The following SLC39A11 variants were observed in gnomAD, a reference collection of about 807,000 sequenced individuals.
The protein encoded by SLC39A11 is solute carrier family 39 member 11, also known as zinc transporter ZIP11.
In SLC39A11, 33 loss-of-function variants were observed where a neutral mutation model predicts 36.1. The observed-to-expected ratio is 0.91, with a 90% CI of 0.69 to 1.22. The LOEUF (loss-of-function observed/expected upper bound fraction) is 1.22. Ranked by LOEUF, SLC39A11 falls within the 50% of genes most tolerant of loss-of-function variation. The pLI is 0.00. For missense variants in SLC39A11, 432 were observed against 430.3 expected (o/e 1.00, Z -0.03); for synonymous variants, 166 against 170.3 (o/e 0.97, Z 0.20).
rs113262350 is a variant in SLC39A11, at chr17:72,654,355, T to C, written c.672-5087A>G. 6.7e-3 allele frequency among the ~76,000 whole-genome samples: 1,023 copies of C among 152,316 alleles called. 16 individuals carry two copies. Among genetic ancestry groups the C allele is most frequent in the African/African-American group, 0.023 (972 of 41,580 alleles). ...ACACTGTTGAACGTTGCTTCAGTTATAGGATGCTGACAAGCGTGTTCTAAC... is the reference window on the plus strand; with the variant it reads ...ACACTGTTGAACGTTGCTTCAGTTACAGGATGCTGACAAGCGTGTTCTAAC... On this transcript the variant is annotated intron_variant, in intron 7 of 9. Coordinates refer to ENST00000255559, the MANE Select transcript of SLC39A11 (RefSeq NM_139177.4).
At chr17:72,830,752 T>C (rs936851256) in intron 6 of SLC39A11, among the ~76,000 whole-genome samples, 1 of 152,110 alleles carries the variant, frequency 6.6e-6, no homozygotes, top group East Asian at 1.9e-4. Flanking sequence ...GCCCCAAATA[T>C]CTTCATCAAA....
rs534480688 is a variant in SLC39A11, at chr17:72,679,854, C to T, written c.672-30586G>A. Among the ~76,000 whole-genome samples, 26 of 151,992 alleles carry T rather than the reference C, an allele frequency of 1.7e-4. No homozygotes were observed. The East Asian group carries it at 4.9e-3, about 28-fold the overall frequency. On this transcript the variant is annotated intron_variant, in intron 7 of 9. Transcript: ENST00000255559. ...GCCAAGAGATCGAGACCATCCTGGC[C>T]AACATGGTGAAACCCTGTCTCTACC...
rs1567912013 is a variant in SLC39A11, at chr17:72,900,139, AAAAAGAAAGAAAGAAAAGAAAG to A, written c.430+47591_430+47612del. Among the ~76,000 whole-genome samples, 6 of 83,082 alleles carry A rather than the reference AAAAAGAAAGAAAGAAAAGAAAG, an allele frequency of 7.2e-5. 1 individual carries two copies. The highest frequency in any genetic ancestry group is 1.0e-4 in the Non-Finnish European group (5 of 48,622). 54.5% of individuals were successfully genotyped at this position (83,082 alleles called of 152,430 possible). On this transcript the variant is annotated intron_variant, in intron 5 of 9. Coordinates refer to ENST00000255559, the MANE Select transcript of SLC39A11 (RefSeq NM_139177.4). ...AAAGAAAGAAAAGAAAGAAAGAAAG[AAAAAGAAAGAAAGAAAAGAAAG>A]AAAGAAAGAAAGAAAGAAAGAAAGA...
intron 5 of SLC39A11, among the ~76,000 whole-genome samples, chr17:72,941,669 T>C (rs2085107728): frequency 6.6e-6 from 1 of 151,936 alleles, no homozygotes; most frequent in Non-Finnish European, 1.5e-5. Context: ...GTACCCACCC[T>C]GATAATGTTC....
At chr17:72,698,341 G>T (rs1345821402) in intron 7 of SLC39A11, among the ~76,000 whole-genome samples, 1 of 152,000 alleles carries the variant, frequency 6.6e-6, no homozygotes, top group Non-Finnish European at 1.5e-5. Context: ...TGCATTTTCA[G>T]TGTGGTAAAG....
At chr17:72,970,898 C>A (rs562188286) in intron 4 of SLC39A11, among the ~76,000 whole-genome samples, 9 of 152,378 alleles carry the variant, frequency 5.9e-5, no homozygotes, top group Admixed American at 3.9e-4. Flanking sequence ...CAGAGCCTGG[C>A]TCATGGGCTC....
chr17:72,796,105 G>A (rs1280371635), intron 6 of SLC39A11, among the ~76,000 whole-genome samples: 1 of 152,184 alleles, frequency 6.6e-6, no homozygotes, highest in African/African-American at 2.4e-5. Context: ...TGCTAGGACT[G>A]CAGCTCACAT....
chr17:72,907,255 C>T (rs745850818), intron 5 of SLC39A11, among the ~76,000 whole-genome samples: 3 of 152,150 alleles, frequency 2.0e-5, no homozygotes, highest in South Asian at 2.1e-4. Context: ...TTCGGGAGGC[C>T]GAGGCGGGCG....
chr17:72,877,965 C>T (rs1245111270), intron 5 of SLC39A11, among the ~76,000 whole-genome samples: 1 of 130,032 alleles, frequency 7.7e-6, no homozygotes, highest in Non-Finnish European at 1.6e-5. Context: ...GCTATCCCTC[C>T]TCCCTCCCCC....
At chr17:73,086,731 G>A (rs545033919) in intron 2 of SLC39A11, among the ~76,000 whole-genome samples, 3 of 152,104 alleles carry the variant, frequency 2.0e-5, no homozygotes, top group Non-Finnish European at 4.4e-5. Context: ...GAGGTGGGAC[G>A]ATCACTTGAA....
At chr17:72,859,512 G>A (rs2079839842) in intron 5 of SLC39A11, among the ~76,000 whole-genome samples, 2 of 151,980 alleles carry the variant, frequency 1.3e-5, no homozygotes, top group African/African-American at 4.8e-5. Flanking sequence ...ATCCCGCTTG[G>A]GAACCCAGGC....
chr17:72,759,726 C>T (rs189147281), intron 6 of SLC39A11, among the ~76,000 whole-genome samples: 1 of 152,008 alleles, frequency 6.6e-6, no homozygotes, highest in Non-Finnish European at 1.5e-5. Context: ...AGGTAATATA[C>T]TTGATATAAA....
rs71154945 is a variant in SLC39A11, at chr17:73,020,680, C to CTTTTTTTTTTTTTTTTT, written c.306+10859_306+10875dup. ...TTTTGGGGGGTCTTTTTGTTTCTTTCTTTTTTTTTTTTTTTTTTTTTGAGA... is the reference window on the plus strand; with the variant it reads ...TTTTGGGGGGTCTTTTTGTTTCTTTCTTTTTTTTTTTTTTTTTTTTTTTTTTTTTTTTTTTTTTGAGA... On this transcript the variant is annotated intron_variant, in intron 4 of 9. Coordinates refer to ENST00000255559, the MANE Select transcript of SLC39A11 (RefSeq NM_139177.4). Among the ~76,000 whole-genome samples the CTTTTTTTTTTTTTTTTT allele has an allele frequency of 1.8e-3, 175 of 98,878 alleles. 4 individuals carry two copies. Among genetic ancestry groups the CTTTTTTTTTTTTTTTTT allele is most frequent in the Non-Finnish European group, 2.4e-3 (128 of 53,974 alleles). The allele number at this position is 98,878 out of a possible 152,430, so 64.9% of individuals were successfully genotyped here.
At chr17:72,938,728 T>G (rs2084919056) in intron 5 of SLC39A11, among the ~76,000 whole-genome samples, 1 of 152,216 alleles carries the variant, frequency 6.6e-6, no homozygotes, top group Admixed American at 6.5e-5. Context: ...CCCAAGCCAC[T>G]TGTCTGTTCT....
intron 4 of SLC39A11, among the ~76,000 whole-genome samples, chr17:72,984,409 G>A (rs1242920928): frequency 4.6e-5 from 7 of 151,332 alleles, no homozygotes; most frequent in African/African-American, 1.7e-4. Flanking sequence ...AAAAGAAAAA[G>A]AAAATTCAAG....
chr17:72,689,787 T>C (rs2071933734), intron 7 of SLC39A11, among the ~76,000 whole-genome samples: 1 of 152,004 alleles, frequency 6.6e-6, no homozygotes, highest in African/African-American at 2.4e-5. Context: ...CCAAAGGCTG[T>C]GGGGGGAGGG....
At chr17:72,794,868 T>C (rs1300205978) in intron 6 of SLC39A11, among the ~76,000 whole-genome samples, 2 of 152,086 alleles carry the variant, frequency 1.3e-5, no homozygotes, top group African/African-American at 4.8e-5. Context: ...CTCACACTGT[T>C]TCTGTGGGTC....
At chr17:73,047,031 T>A (rs66461955) in intron 3 of SLC39A11, among the ~76,000 whole-genome samples, 27,216 of 146,742 alleles carry the variant, frequency 0.19, 2,981 homozygotes, top group South Asian at 0.3. Context: ...TTATTTATTT[T>A]TTTTTTTTTT....
At chr17:72,749,601 A>G (rs2075073012) in intron 6 of SLC39A11, among the ~76,000 whole-genome samples, 1 of 152,288 alleles carries the variant, frequency 6.6e-6, no homozygotes, top group Non-Finnish European at 1.5e-5. Context: ...CTATTTTGTG[A>G]TAAGTGGGCC....
Sources: gnomAD v4.1 joint callset for allele counts (sites outside exome capture counted in the v4.1 genomes callset) on GRCh38, gnomAD v4.1.1 for gene constraint, MANE v1.5 for transcripts, NCBI Gene and HGNC (gene_info 2026-07-23, HGNC 2026-07-21) for gene names.